The following GTF2E2 variants were observed in gnomAD, a reference collection of about 807,000 sequenced individuals.
GTF2E2 encodes general transcription factor IIE subunit 2.
Under a neutral mutation model 40.5 loss-of-function variants are expected in GTF2E2, and 21 were observed. That is an observed-to-expected ratio of 0.52 (90% confidence interval 0.37 to 0.75). The LOEUF is 0.75. Ranked by LOEUF, GTF2E2 falls within the 30% of genes least tolerant of loss-of-function variation. GTF2E2 has a pLI of 0.00. For synonymous variants in GTF2E2, 117 were observed against 121.6 expected (o/e 0.96, Z 0.25); for missense variants, 298 against 338.4 (o/e 0.88, Z 0.94).
chr8:30,629,177 A>T (rs1021224504), intron 3 of GTF2E2, among the ~76,000 whole-genome samples: 26 of 152,210 alleles, frequency 1.7e-4, no homozygotes, highest in Admixed American at 1.4e-3. Flanking sequence ...TATTTAGTAG[A>T]GATATTGTCA....
intron 6 of GTF2E2, among the ~76,000 whole-genome samples, chr8:30,583,600 G>C (rs1396845529): frequency 2.0e-5 from 3 of 151,920 alleles, no homozygotes; most frequent in Non-Finnish European, 2.9e-5. Flanking sequence ...GGCTGGTCTC[G>C]AACGTCTAGA....
chr8:30,589,721 C>T (rs958143486), intron 6 of GTF2E2, among the ~76,000 whole-genome samples: 5 of 152,108 alleles, frequency 3.3e-5, no homozygotes, highest in Non-Finnish European at 2.9e-5. Flanking sequence ...CATCGTCTGC[C>T]CAAATCTGTG....
chr8:30,580,009 G>C (rs1828467459), intron 7 of GTF2E2, among the ~76,000 whole-genome samples: 1 of 152,184 alleles, frequency 6.6e-6, no homozygotes, highest in Admixed American at 6.5e-5. Flanking sequence ...GAGTGGGAGA[G>C]TGGGGAACAC....
intron 2 of GTF2E2, among the ~76,000 whole-genome samples, chr8:30,651,124 G>A (rs148892872): frequency 5.4e-4 from 82 of 152,044 alleles, no homozygotes; most frequent in Non-Finnish European, 1.0e-3. Flanking sequence ...GTGAAAAACC[G>A]AATGCTTTGC....
intron 1 of GTF2E2, chr8:30,657,659 C>G (rs1201920351): frequency 6.6e-6 from 1 of 152,220 alleles, no homozygotes; most frequent in Non-Finnish European, 1.5e-5. Flanking sequence ...GACCCCGCGG[C>G]TGCTCAAACT....
intron 3 of GTF2E2, among the ~76,000 whole-genome samples, chr8:30,626,913 T>G (rs1170773527): frequency 6.6e-6 from 1 of 152,236 alleles, no homozygotes; most frequent in Non-Finnish European, 1.5e-5. Context: ...CAAGTCAAGG[T>G]ACTTACTGGA....
chr8:30,623,935 G>C (rs1192180503), intron 3 of GTF2E2, among the ~76,000 whole-genome samples: 5 of 151,776 alleles, frequency 3.3e-5, no homozygotes, highest in Admixed American at 2.6e-4. Context: ...GAGTAGATTG[G>C]AAAAATTTTC....
chr8:30,583,329 A>G (rs1828566599), intron 6 of GTF2E2, among the ~76,000 whole-genome samples: 1 of 152,162 alleles, frequency 6.6e-6, no homozygotes. Context: ...GCGAGACTCC[A>G]TCTCAAAAAA....
At chr8:30,579,390 A>C (rs1828443645) in intron 7 of GTF2E2, among the ~76,000 whole-genome samples, 1 of 152,252 alleles carries the variant, frequency 6.6e-6, no homozygotes, top group Non-Finnish European at 1.5e-5. Context: ...AGATCTGAAG[A>C]AAATATGGCA....
intron 2 of GTF2E2, among the ~76,000 whole-genome samples, chr8:30,646,979 C>CAAAAAAAAA (rs56762565): frequency 2.0e-4 from 10 of 51,200 alleles, no homozygotes; most frequent in African/African-American, 7.1e-4. Context: ...GACTCCGTCT[C>CAAAAAAAAA]AAAAAAAAAA....
At chr8:30,605,307 G>C (rs1347803153) in intron 6 of GTF2E2, among the ~76,000 whole-genome samples, 1 of 152,162 alleles carries the variant, frequency 6.6e-6, no homozygotes, top group African/African-American at 2.4e-5. Context: ...ATTGGGAGGA[G>C]AGAGATAGGT....
At position 30,653,447 on chromosome 8, in the gene GTF2E2, G is replaced by C. The variant is rs368009804; in HGVS notation, c.152C>G (p.Ser51Cys). 1.2e-6 allele frequency: 2 copies of C among 1,612,908 alleles called. No individual in the cohort carries two copies. The highest frequency in any genetic ancestry group is 2.7e-5 in the African/African-American group (2 of 74,870). The change falls in exon 2 of 8, where the codon TCT becomes TGT. Residue 51 changes from serine to cysteine, a missense_variant. Physicochemically the swap from Ser to Cys is moderately radical, Grantham distance 112. Coordinates refer to ENST00000355904, the MANE Select transcript of GTF2E2 (RefSeq NM_002095.6). ...TKVEHGGSSGSKQNSDHSNGS... is the reference protein window; with the variant it reads ...TKVEHGGSSGCKQNSDHSNGS... Reference sequence around the variant, plus strand: ...ATTTTACTAACCAGAATTTTGTTTAGAGCCTGACGATCCTCCATGTTCTAC... The same window carrying C: ...ATTTTACTAACCAGAATTTTGTTTACAGCCTGACGATCCTCCATGTTCTAC...
intron 3 of GTF2E2, among the ~76,000 whole-genome samples, chr8:30,630,619 C>A (rs1305572851): frequency 1.3e-5 from 2 of 152,144 alleles, no homozygotes; most frequent in East Asian, 3.9e-4. Flanking sequence ...CCACCTCCCC[C>A]CGCCATGAAA....
At chr8:30,650,884 G>C (rs1802251149) in intron 2 of GTF2E2, among the ~76,000 whole-genome samples, 2 of 151,984 alleles carry the variant, frequency 1.3e-5, no homozygotes, top group African/African-American at 4.8e-5. Flanking sequence ...CATGGCGATG[G>C]GTGCCTGTAG....
At chr8:30,629,350 A>T (rs1801372806) in intron 3 of GTF2E2, among the ~76,000 whole-genome samples, 1 of 152,152 alleles carries the variant, frequency 6.6e-6, no homozygotes, top group Non-Finnish European at 1.5e-5. Context: ...GACAGAAGTT[A>T]GGCCAGTGAT....
At chr8:30,624,839 G>A (rs1272413883) in intron 3 of GTF2E2, among the ~76,000 whole-genome samples, 3 of 152,024 alleles carry the variant, frequency 2.0e-5, no homozygotes, top group Non-Finnish European at 4.4e-5. Context: ...GAATGCTTGT[G>A]GTTTTTGCAC....
chr8:30,591,283 C>A (rs927857391), intron 6 of GTF2E2, among the ~76,000 whole-genome samples: 4 of 152,034 alleles, frequency 2.6e-5, no homozygotes, highest in African/African-American at 9.7e-5. Context: ...GCCAGGAGTT[C>A]AAGGTCAGCC....
intron 5 of GTF2E2, 128 bp from the exon 6 acceptor site, chr8:30,607,278 A>G: frequency 2.3e-6 from 1 of 431,994 alleles, no homozygotes; most frequent in Non-Finnish European, 4.2e-6. Flanking sequence ...AGGGTCCTCC[A>G]CCATAGGTCC....
intron 1 of GTF2E2, among the ~76,000 whole-genome samples, chr8:30,653,943 G>A (rs946273494): frequency 6.6e-6 from 1 of 152,008 alleles, no homozygotes; most frequent in Admixed American, 6.6e-5. Flanking sequence ...CAAAAAATCA[G>A]GCAGGCATGG....
Sources: gnomAD v4.1 joint callset for allele counts (sites outside exome capture counted in the v4.1 genomes callset) on GRCh38, gnomAD v4.1.1 for gene constraint, MANE v1.5 for transcripts, NCBI Gene and HGNC (gene_info 2026-07-23, HGNC 2026-07-21) for gene names.